TENM3: variants seen among roughly 807,000 people sequenced by gnomAD.
TENM3 encodes the protein teneurin-3.
In TENM3, 63 loss-of-function variants were observed where a neutral mutation model predicts 255.1. That is an observed-to-expected ratio of 0.25 (90% confidence interval 0.20 to 0.30). The LOEUF is 0.30. Ranked by LOEUF, TENM3 falls within the 10% of genes least tolerant of loss-of-function variation. The probability of loss-of-function intolerance (pLI) is 1.00; values close to 1 mark genes in which losing one functional copy is unlikely to be tolerated. For synonymous variants in TENM3, 1,306 were observed against 1,322.3 expected (o/e 0.99, Z 0.27); for missense variants, 2,929 against 3,461.1 (o/e 0.85, Z 3.86).
At chr4:181,505,765 A>G in the TENM3 span, among the ~76,000 whole-genome samples, 3 of 152,316 alleles carry the variant, frequency 2.0e-5, no homozygotes, top group South Asian at 6.2e-4. Context: ...CAGAAATTCA[A>G]TTAGGGTTCT....
intron 19 of TENM3, among the ~76,000 whole-genome samples, chr4:182,749,782 A>T (rs1037553665): frequency 6.6e-6 from 1 of 152,228 alleles, no homozygotes; most frequent in Non-Finnish European, 1.5e-5. Context: ...TATGTGTGTT[A>T]TGTATACACA....
intron 4 of TENM3, among the ~76,000 whole-genome samples, chr4:182,624,336 A>G (rs12650385): frequency 0.065 from 9,850 of 152,258 alleles, 417 homozygotes; most frequent in East Asian, 0.14. Context: ...GTAAGGGACT[A>G]CGTCGTTGGC....
the TENM3 span, among the ~76,000 whole-genome samples, chr4:181,487,217 C>T: frequency 6.6e-6 from 1 of 152,100 alleles, no homozygotes; most frequent in Non-Finnish European, 1.5e-5. Context: ...ATCCAACACG[C>T]TTGTTTTAGA....
the TENM3 span, among the ~76,000 whole-genome samples, chr4:181,801,654 ATATATATATATATATATAT>A: frequency 7.3e-5 from 1 of 13,742 alleles, no homozygotes; most frequent in African/African-American, 2.8e-4. Flanking sequence ...ATTGTAAAAT[ATATATATATATATATATAT>A]ATATATATAT....
intron 1 of TENM3, among the ~76,000 whole-genome samples, chr4:182,220,498 C>T (rs944701455): frequency 6.6e-6 from 1 of 151,884 alleles, no homozygotes; most frequent in East Asian, 1.9e-4. Context: ...CCCTTCACTT[C>T]GTCCTACAGT....
intron 3 of TENM3, among the ~76,000 whole-genome samples, chr4:182,500,999 C>A (rs1736259679): frequency 1.3e-5 from 2 of 151,984 alleles, no homozygotes; most frequent in South Asian, 4.1e-4. Flanking sequence ...TCCTTTATTT[C>A]TTTATTTAGT....
chr4:182,071,449 CTTT>C, the TENM3 span, among the ~76,000 whole-genome samples: 2 of 139,466 alleles, frequency 1.4e-5, no homozygotes, highest in Admixed American at 7.3e-5. Flanking sequence ...TTTTTCTTTT[CTTT>C]TTTTTTTTTT....
the TENM3 span, among the ~76,000 whole-genome samples, chr4:181,577,203 ATATATATT>A: frequency 2.1e-3 from 274 of 127,888 alleles, no homozygotes; most frequent in African/African-American, 6.8e-3. Context: ...TATATTATAT[ATATATATT>A]TTTTTTTTAA....
intron 1 of TENM3, among the ~76,000 whole-genome samples, chr4:182,299,135 A>G (rs1164034758): frequency 6.6e-6 from 1 of 151,924 alleles, no homozygotes; most frequent in African/African-American, 2.4e-5. Context: ...ATGGGGCATT[A>G]AAAACACCAG....
the TENM3 span, among the ~76,000 whole-genome samples, chr4:182,103,212 A>G: frequency 1.3e-5 from 2 of 152,258 alleles, no homozygotes; most frequent in Non-Finnish European, 2.9e-5. Flanking sequence ...GTCTCTGGAC[A>G]TACAAGTATG....
chr4:181,846,839 T>A, the TENM3 span, among the ~76,000 whole-genome samples: 1 of 152,192 alleles, frequency 6.6e-6, no homozygotes, highest in Non-Finnish European at 1.5e-5. Context: ...CTACCACAGG[T>A]TGATTCTGAT....
chr4:181,850,826 CAA>C, the TENM3 span, among the ~76,000 whole-genome samples: 1 of 152,032 alleles, frequency 6.6e-6, no homozygotes, highest in African/African-American at 2.4e-5. Context: ...AGACACAGCC[CAA>C]GTTACCTTTC....
the TENM3 span, among the ~76,000 whole-genome samples, chr4:181,680,895 C>A: frequency 1.3e-5 from 2 of 151,976 alleles, no homozygotes; most frequent in South Asian, 4.1e-4. Flanking sequence ...ACTGTCCATG[C>A]AGGTAAATAC....
Position 182,736,922 on chromosome 4 carries a change from C to A in TENM3, c.3082C>A (p.Pro1028Thr), listed in dbSNP as rs775833093. 1.9e-6 allele frequency: 3 copies of A among 1,613,790 alleles called. No homozygotes were observed. The Admixed American group carries it at 5.0e-5, about 27-fold the overall frequency. ...LKITMTQSII[P>T]FNLMKVHLMV... ...GATCACCATGACCCAGTCTATTATTCCATTTAATTTAATGAAGGTTCATCT... is the reference window on the plus strand; with the variant it reads ...GATCACCATGACCCAGTCTATTATTACATTTAATTTAATGAAGGTTCATCT... The change falls in exon 17 of 28, where the codon CCA (proline) becomes ACA (threonine). Residue 1028 changes from proline (P) to threonine (T), a missense_variant. This residue lies in a region of TENM3 where 1,608 missense variants were observed against 1,884.4 expected (regional missense o/e 0.85). Transcript: ENST00000511685.
At chr4:182,445,218 T>C (rs1772822536) in intron 3 of TENM3, among the ~76,000 whole-genome samples, 2 of 152,174 alleles carry the variant, frequency 1.3e-5, no homozygotes, top group Admixed American at 6.5e-5. Context: ...GCCCAAGCAC[T>C]CTGTAACTAT....
At chr4:182,014,544 G>A in the TENM3 span, among the ~76,000 whole-genome samples, 18 of 152,130 alleles carry the variant, frequency 1.2e-4, no homozygotes, top group Middle Eastern at 3.4e-3. Context: ...AAGATCCTAG[G>A]AGAAAAACAA....
At chr4:182,755,961 G>A (rs1297456299) in intron 22 of TENM3, among the ~76,000 whole-genome samples, 1 of 152,200 alleles carries the variant, frequency 6.6e-6, no homozygotes, top group Non-Finnish European at 1.5e-5. Context: ...GTTTCAGTTG[G>A]CTTCATGGTA....
intron 3 of TENM3, among the ~76,000 whole-genome samples, chr4:182,575,466 CTG>C (rs1744826992): frequency 6.6e-6 from 1 of 152,116 alleles, no homozygotes; most frequent in Admixed American, 6.6e-5. Context: ...TCCCATGAAA[CTG>C]TGTTACGGAA....
chr4:182,337,685 C>T (rs1764230105), intron 2 of TENM3, among the ~76,000 whole-genome samples: 1 of 152,066 alleles, frequency 6.6e-6, no homozygotes, highest in African/African-American at 2.4e-5. Flanking sequence ...TTAGTATTTA[C>T]CCAAAGTAAA....
Sources: allele counts gnomAD v4.1 joint callset (sites outside exome capture counted in the v4.1 genomes callset), GRCh38; gene constraint gnomAD v4.1.1; regional missense constraint gnomAD v4.1.1; transcripts MANE v1.5; gene names NCBI Gene and HGNC (gene_info 2026-07-23, HGNC 2026-07-21).